The following LRP1B variants were observed in gnomAD, a reference collection of about 807,000 sequenced individuals.
The protein encoded by LRP1B is low-density lipoprotein receptor-related protein 1B.
Under a neutral mutation model 556.6 loss-of-function variants are expected in LRP1B, and 217 were observed. The ratio of observed to expected loss-of-function variants is 0.39; its 90% CI spans 0.35 to 0.44. The LOEUF is 0.44. LRP1B is among the 20% of genes least tolerant of loss of function. LRP1B has a pLI of 1.00. For missense variants in LRP1B, 5,053 were observed against 5,620.8 expected (o/e 0.90, Z 3.23); for synonymous variants, 2,047 against 1,865.8 (o/e 1.10, Z -2.50).
intron 66 of LRP1B, among the ~76,000 whole-genome samples, chr2:140,419,032 C>G (rs924261383): frequency 1.3e-5 from 2 of 152,098 alleles, no homozygotes; most frequent in Admixed American, 6.6e-5. Flanking sequence ...CACAGACATG[C>G]CTGACAATCC....
intron 12 of LRP1B, among the ~76,000 whole-genome samples, chr2:141,017,258 T>C (rs1697926506): frequency 6.6e-6 from 1 of 152,060 alleles, no homozygotes; most frequent in South Asian, 2.1e-4. Flanking sequence ...ATAAATTAAC[T>C]ATATAAAAGT....
intron 11 of LRP1B, among the ~76,000 whole-genome samples, chr2:141,025,274 G>A (rs1698185891): frequency 6.6e-6 from 1 of 152,036 alleles, no homozygotes; most frequent in African/African-American, 2.4e-5. Flanking sequence ...ATTGATGAGT[G>A]GATATGAACA....
intron 2 of LRP1B, among the ~76,000 whole-genome samples, chr2:141,496,880 G>C (rs1683528418): frequency 6.6e-6 from 1 of 151,946 alleles, no homozygotes; most frequent in African/African-American, 2.4e-5. Flanking sequence ...TATGAAAAAA[G>C]TCTGTTTTCT....
chr2:141,631,611 G>A (rs571496046), intron 2 of LRP1B, among the ~76,000 whole-genome samples: 2 of 150,380 alleles, frequency 1.3e-5, no homozygotes, highest in Non-Finnish European at 2.9e-5. Flanking sequence ...TGAGCCAGCT[G>A]GTAAAACAGA....
intron 2 of LRP1B, among the ~76,000 whole-genome samples, chr2:141,621,582 G>A (rs1473495718): frequency 1.3e-5 from 2 of 152,026 alleles, no homozygotes; most frequent in Non-Finnish European, 2.9e-5. Context: ...CAAAATTAAG[G>A]GTTTTGGATA....
intron 2 of LRP1B, among the ~76,000 whole-genome samples, chr2:141,659,232 G>A (rs79218535): frequency 0.018 from 2,690 of 152,126 alleles, 82 homozygotes; most frequent in African/African-American, 0.061. Flanking sequence ...AGCAGGCATC[G>A]GCAAAATTTT....
At chr2:141,881,414 C>T (rs908356258) in intron 1 of LRP1B, among the ~76,000 whole-genome samples, 1 of 152,014 alleles carries the variant, frequency 6.6e-6, no homozygotes, top group Non-Finnish European at 1.5e-5. Flanking sequence ...CTTGGAGATA[C>T]ATTTGCATAG....
chr2:141,754,803 C>T (rs1694258883), intron 2 of LRP1B, among the ~76,000 whole-genome samples: 2 of 152,064 alleles, frequency 1.3e-5, no homozygotes, highest in Non-Finnish European at 2.9e-5. Context: ...AGGGATGAAA[C>T]TTAAACTAAT....
At chr2:141,740,773 C>T (rs1046525429) in intron 2 of LRP1B, among the ~76,000 whole-genome samples, 3 of 152,144 alleles carry the variant, frequency 2.0e-5, no homozygotes, top group African/African-American at 7.2e-5. Context: ...TACCATGCCA[C>T]CAGCTAGAGC....
At chr2:141,522,867 C>G (rs1684573775) in intron 2 of LRP1B, among the ~76,000 whole-genome samples, 1 of 152,168 alleles carries the variant, frequency 6.6e-6, no homozygotes, top group Non-Finnish European at 1.5e-5. Context: ...ACTTGAGCAA[C>G]TGACATCTGT....
At chr2:140,487,584 T>G (rs761583053) in intron 58 of LRP1B, 33 bp downstream of exon 58, 28 of 1,569,814 alleles carry the variant, frequency 1.8e-5, no homozygotes, top group Non-Finnish European at 2.4e-5. Context: ...TGGTATAATA[T>G]TCAACAATCC....
intron 66 of LRP1B, among the ~76,000 whole-genome samples, chr2:140,432,100 G>A (rs988071357): frequency 6.6e-6 from 1 of 152,116 alleles, no homozygotes. Context: ...CACAAAAGAA[G>A]TGAAAATGGC....
intron 3 of LRP1B, among the ~76,000 whole-genome samples, chr2:141,459,757 G>T (rs769201659): frequency 6.6e-6 from 1 of 152,112 alleles, no homozygotes; most frequent in Admixed American, 6.5e-5. Flanking sequence ...CCATGGTTGT[G>T]AGGCCTCCCC....
chr2:141,108,646 G>A (rs1048045940), intron 7 of LRP1B, among the ~76,000 whole-genome samples: 40 of 151,830 alleles, frequency 2.6e-4, no homozygotes, highest in South Asian at 8.3e-4. Flanking sequence ...CACCGTGCCC[G>A]GCCAAAAATG....
intron 25 of LRP1B, among the ~76,000 whole-genome samples, chr2:140,876,693 G>A (rs898474708): frequency 6.6e-6 from 1 of 152,086 alleles, no homozygotes; most frequent in African/African-American, 2.4e-5. Context: ...CAACTCATAG[G>A]TATTTGATAG....
At chr2:140,835,685 T>C (rs1025151954) in intron 31 of LRP1B, among the ~76,000 whole-genome samples, 1 of 151,842 alleles carries the variant, frequency 6.6e-6, no homozygotes, top group Non-Finnish European at 1.5e-5. Flanking sequence ...TTACAGGCGC[T>C]CGCCACCACG....
At chr2:140,913,672 G>A (rs901954883) in intron 21 of LRP1B, among the ~76,000 whole-genome samples, 1 of 151,970 alleles carries the variant, frequency 6.6e-6, no homozygotes, top group Non-Finnish European at 1.5e-5. Context: ...AAGAGAATCA[G>A]TTCTTTCTTA....
chr2:140,415,592 G>C (rs997950691), intron 66 of LRP1B, among the ~76,000 whole-genome samples: 2 of 152,070 alleles, frequency 1.3e-5, no homozygotes, highest in African/African-American at 4.8e-5. Flanking sequence ...TGAAATATTG[G>C]GGGTGGGTTC....
chr2:140,523,081 A>T (rs184754682), intron 49 of LRP1B, among the ~76,000 whole-genome samples: 38 of 152,126 alleles, frequency 2.5e-4, no homozygotes, highest in Middle Eastern at 3.4e-3. Context: ...ACAAAGATAC[A>T]ACAACCACCA....
Sources: gnomAD v4.1 joint callset for allele counts (sites outside exome capture counted in the v4.1 genomes callset) on GRCh38, gnomAD v4.1.1 for gene constraint, MANE v1.5 for transcripts, NCBI Gene and HGNC (gene_info 2026-07-23, HGNC 2026-07-21) for gene names.